TTI1: variants seen among roughly 807,000 people sequenced by gnomAD.
TTI1 encodes the protein TELO2-interacting protein 1 homolog.
A neutral mutation model predicts 85.4 loss-of-function variants in TTI1; 52 were observed. The ratio of observed to expected loss-of-function variants is 0.61; its 90% CI spans 0.49 to 0.77. The LOEUF (loss-of-function observed/expected upper bound fraction) is 0.77. TTI1 is among the 30% of genes least tolerant of loss of function. The pLI, the probability that TTI1 is intolerant of heterozygous loss-of-function variation, is 0.00. For missense variants in TTI1, 1,173 were observed against 1,296.0 expected, an observed-to-expected ratio of 0.91 and a Z score of 1.46; for synonymous variants, 512 against 503.9, an observed-to-expected ratio of 1.02 and a Z score of -0.22.
chr20:38,020,323 A>AAAAAAAAAATATATAT, intron 1 of TTI1, among the ~76,000 whole-genome samples: 3 of 50,388 alleles, frequency 6.0e-5, no homozygotes, highest in South Asian at 9.2e-4. Context: ...AAAAAAAAAA[A>AAAAAAAAAATATATAT]ATATATATAT....
intron 2 of TTI1, among the ~76,000 whole-genome samples, chr20:38,009,266 G>A (rs982326770): frequency 6.6e-6 from 1 of 152,168 alleles, no homozygotes; most frequent in African/African-American, 2.4e-5. Flanking sequence ...GGCTCCACGA[G>A]GGCAGGCCTA....
rs116196159 is a variant in TTI1 at position 38,003,287 on chromosome 20, A to G, written c.2504-511T>C. On this transcript the variant is annotated intron_variant, in intron 3 of 7. Coordinates refer to ENST00000373447, the MANE Select transcript of TTI1 (RefSeq NM_001303457.2). ...TAAGCATGGGTTTTAATGACAAGAG[A>G]AATGCTTATAAAATAATATTGTCTT... Among the ~76,000 whole-genome samples, 1,199 of 152,290 alleles carry G rather than the reference A, an allele frequency of 7.9e-3. 13 individuals are homozygous for G. The highest frequency in any genetic ancestry group is 0.026 in the African/African-American group (1,063 of 41,542).
Position 38,012,100 on chromosome 20 carries a change from C to A in TTI1, c.1717G>T (p.Val573Phe), listed in dbSNP as rs377075805. ...ATTTCCTCAGTTTCAAGACAGGTAA[C>A]CAAATACCAATTTTCTTGACTTGTG... ...EYTSQENWYL[V>F]TCLETEEMGE... is the part of the protein sequence containing the mutation. The change falls in exon 2 of 8, where the codon GTT (valine) becomes TTT (phenylalanine). Residue 573 changes from valine to phenylalanine, a missense_variant. Coordinates refer to ENST00000373447, the MANE Select transcript of TTI1 (RefSeq NM_001303457.2). 2.0e-5 allele frequency: 32 copies of A among 1,614,062 alleles called. No homozygotes were observed. Among genetic ancestry groups the A allele is most frequent in the East Asian group, 1.3e-4 (6 of 44,896 alleles).
chr20:38,018,706 G>A (rs1047786011), intron 1 of TTI1, among the ~76,000 whole-genome samples: 2 of 150,514 alleles, frequency 1.3e-5, no homozygotes, highest in Non-Finnish European at 3.0e-5. Flanking sequence ...AAAAATGACA[G>A]CTGACTTCTC....
chr20:37,996,319 A>T, intron 7 of TTI1, 56 bp downstream of exon 7: 1 of 1,587,366 alleles, frequency 6.3e-7, no homozygotes, highest in Admixed American at 1.7e-5. Context: ...GCCATTAGCA[A>T]ATCATCTGTA....
chr20:38,013,107 T>G lies in TTI1; in HGVS notation c.710A>C (p.Lys237Thr), dbSNP rs765480364. 6 of 1,614,220 alleles carry G rather than the reference T, an allele frequency of 3.7e-6. No homozygotes were observed. In the Admixed American group the frequency reaches 1.0e-4, roughly 27 times the overall value. The change falls in exon 2 of 8, where the codon AAG (lysine) becomes ACG (threonine). Residue 237 changes from lysine to threonine, a missense_variant. Lys to Thr is a moderately conservative substitution (Grantham distance 78, BLOSUM62 -1). Transcript: ENST00000373447. Reference sequence around the variant, plus strand: ...GAAGCTCACTGTCTTGTAAAAGATCTTTAGGGAAGATACGACAATGCTGTG... The same window carrying G: ...GAAGCTCACTGTCTTGTAAAAGATCGTTAGGGAAGATACGACAATGCTGTG... ...QGHSIVVSSL[K>T]IFYKTVSFIM...
intron 3 of TTI1, among the ~76,000 whole-genome samples, chr20:38,005,485 A>T (rs1016438392): frequency 1.3e-5 from 2 of 152,194 alleles, no homozygotes; most frequent in Admixed American, 6.5e-5. Flanking sequence ...TAAATAGACA[A>T]TGGGAATAAG....
chr20:37,993,252 G>C (rs2073291692), intron 7 of TTI1, among the ~76,000 whole-genome samples: 1 of 122,540 alleles, frequency 8.2e-6, no homozygotes, highest in Non-Finnish European at 1.6e-5. Context: ...CTCCATACAA[G>C]GCACATTTGC....
chr20:37,998,529 G>A (rs2073375158), intron 5 of TTI1, among the ~76,000 whole-genome samples: 1 of 152,120 alleles, frequency 6.6e-6, no homozygotes, highest in Non-Finnish European at 1.5e-5. Flanking sequence ...AACAAGAAAG[G>A]ATATAAATAA....
intron 1 of TTI1, among the ~76,000 whole-genome samples, chr20:38,020,309 TGA>T (rs1491302809): frequency 0.017 from 766 of 45,740 alleles, 16 homozygotes; most frequent in South Asian, 0.041. Flanking sequence ...GCTACTCATA[TGA>T]AAAAAAAAAA....
chr20:37,983,804 G>A (rs1355748560), intron 7 of TTI1, among the ~76,000 whole-genome samples, 165 bp from the exon 8 acceptor site: 1 of 152,166 alleles, frequency 6.6e-6, no homozygotes, highest in Non-Finnish European at 1.5e-5. Context: ...CCTAAGACAG[G>A]ACCAGTAGGA....
chr20:38,009,880 T>A (rs1034925282), intron 2 of TTI1, among the ~76,000 whole-genome samples: 1 of 152,186 alleles, frequency 6.6e-6, no homozygotes, highest in African/African-American at 2.4e-5. Flanking sequence ...TTGGCTTTAG[T>A]GTTGCTTCCT....
intron 4 of TTI1, among the ~76,000 whole-genome samples, chr20:38,001,013 C>G (rs538815607): frequency 6.6e-6 from 1 of 152,168 alleles, no homozygotes; most frequent in Non-Finnish European, 1.5e-5. Flanking sequence ...GGGTGAATTA[C>G]TATTTTCTAT....
intron 5 of TTI1, among the ~76,000 whole-genome samples, chr20:37,998,471 A>G (rs1282047262): frequency 6.6e-6 from 1 of 151,624 alleles, no homozygotes; most frequent in African/African-American, 2.4e-5. Flanking sequence ...AATTTATGGC[A>G]GCTCGCTGTG....
Position 37,996,771 on chromosome 20 carries a change from G to A in TTI1, c.2976C>T (p.Pro992=). The A allele has an allele frequency of 1.2e-6, 2 of 1,612,042 alleles. No homozygotes were observed. The highest frequency in any genetic ancestry group is 1.3e-5 in the African/African-American group (1 of 75,022). The part of the protein sequence containing the change: ...LQLAVLQGLG[P]LCERLDLGEG... ...CACCTAGGTCCAGTCTCTCACAGAGGGGGCCCAGGCCCTGTAAGACAGCCA... is the reference window on the plus strand; with the variant it reads ...CACCTAGGTCCAGTCTCTCACAGAGAGGGCCCAGGCCCTGTAAGACAGCCA... The change falls in exon 6 of 8, where the codon CCC becomes CCT. Residue 992 remains proline, a synonymous_variant. Coordinates refer to ENST00000373447, the MANE Select transcript of TTI1 (RefSeq NM_001303457.2).
chr20:38,016,140 T>C (rs1343237867), intron 1 of TTI1, among the ~76,000 whole-genome samples: 2 of 152,356 alleles, frequency 1.3e-5, no homozygotes, highest in Non-Finnish European at 1.5e-5. Flanking sequence ...AAATAAAGGA[T>C]TGTGGCCCCC....
At chr20:38,027,399 T>C (rs184064084) in intron 1 of TTI1, among the ~76,000 whole-genome samples, 1 of 152,348 alleles carries the variant, frequency 6.6e-6, no homozygotes, top group African/African-American at 2.4e-5. Flanking sequence ...TTTTATTTTT[T>C]TCAAATACAG....
rs1274154173 is a variant in TTI1 at position 38,011,639 on chromosome 20, T to C, written c.2178A>G (p.Ser726=). ...PKVLEVMLRN[S]DANLLPLVAD... ...CCACCAAAGGAAGCAGGTTAGCATC[T>C]GAGTTCCGCAGCATGACTTCCAGGA... Residue 726 remains serine, a synonymous_variant, in exon 2 of 8, where the codon TCA becomes TCG. Transcript: ENST00000373447. 6.2e-7 allele frequency: 1 copy of C among 1,614,234 alleles called. No individual in the cohort carries two copies. Among genetic ancestry groups the C allele is most frequent in the South Asian group, 1.1e-5 (1 of 91,082 alleles).
At chr20:38,023,864 A>G (rs1292448102) in intron 1 of TTI1, among the ~76,000 whole-genome samples, 1 of 152,238 alleles carries the variant, frequency 6.6e-6, no homozygotes, top group African/African-American at 2.4e-5. Context: ...AGAGAGATAC[A>G]ATGTTAACCA....
Sources: allele counts gnomAD v4.1 joint callset (sites outside exome capture counted in the v4.1 genomes callset), GRCh38; gene constraint gnomAD v4.1.1; transcripts MANE v1.5; gene names NCBI Gene and HGNC (gene_info 2026-07-23, HGNC 2026-07-21).